The following ANO10 variants were observed in gnomAD, a reference collection of about 807,000 sequenced individuals.
ANO10 encodes anoctamin-10.
Under a neutral mutation model 74.7 loss-of-function variants are expected in ANO10, and 77 were observed. The observed-to-expected ratio is 1.03, with a 90% CI of 0.86 to 1.25. ANO10 has a LOEUF of 1.25. Ranked by LOEUF, ANO10 falls within the 50% of genes most tolerant of loss-of-function variation. The pLI is 0.00. For synonymous variants in ANO10, 279 were observed against 284.9 expected (o/e 0.98, Z 0.21); for missense variants, 721 against 778.1 (o/e 0.93, Z 0.87).
chr3:43,577,385 G>T, intron 5 of ANO10, 124 bp from the exon 6 acceptor site: 1 of 951,656 alleles, frequency 1.1e-6, no homozygotes, highest in Non-Finnish European at 1.6e-6. Context: ...CCCAAACAGC[G>T]TGTGGTGGTA....
At chr3:43,640,109 T>C (rs1016620594) in intron 1 of ANO10, among the ~76,000 whole-genome samples, 2 of 152,208 alleles carry the variant, frequency 1.3e-5, no homozygotes, top group Non-Finnish European at 2.9e-5. Flanking sequence ...TACAAAGCTT[T>C]ACTTGAAGGA....
intron 1 of ANO10, among the ~76,000 whole-genome samples, chr3:43,657,974 T>A (rs552574081): frequency 2.6e-5 from 4 of 152,340 alleles, no homozygotes; most frequent in African/African-American, 9.6e-5. Flanking sequence ...CTTAATATTT[T>A]TTTCCTAGGG....
At chr3:43,587,512 C>G (rs538241691) in intron 4 of ANO10, among the ~76,000 whole-genome samples, 2 of 152,316 alleles carry the variant, frequency 1.3e-5, no homozygotes, top group South Asian at 4.1e-4. Flanking sequence ...AGTCTGGGAC[C>G]TGACGGATCA....
chr3:43,508,633 T>C (rs137921096), intron 11 of ANO10, among the ~76,000 whole-genome samples: 4,445 of 152,246 alleles, frequency 0.029, 212 homozygotes, highest in African/African-American at 0.1. Flanking sequence ...GATGAGTTCA[T>C]GTCCTTTGTG....
intron 4 of ANO10, among the ~76,000 whole-genome samples, chr3:43,591,966 A>G (rs2081791440): frequency 6.6e-6 from 1 of 152,256 alleles, no homozygotes; most frequent in Non-Finnish European, 1.5e-5. Flanking sequence ...TGCCTGGCTC[A>G]GAGGGTCCCA....
rs2091421137 is a variant in ANO10 at position 43,366,674 on chromosome 3, AG to A, written c.*231del. ...CTGGAGCAGCGTGTGGGGCCCGGGA[AG>A]GAACTGGGAAGGAGCAGACAGGGTG... is the stretch of plus-strand genomic sequence containing the variant. On this transcript the variant is annotated 3_prime_UTR_variant, in exon 13 of 13. Coordinates refer to ENST00000292246, the MANE Select transcript of ANO10 (RefSeq NM_018075.5). 1 of 587,630 alleles carries A rather than the reference AG, an allele frequency of 1.7e-6. No individual in the cohort carries two copies. Among genetic ancestry groups the A allele is most frequent in the Non-Finnish European group, 3.0e-6 (1 of 327,900 alleles). The allele number at this position is 587,630 out of a possible 1,614,324, so 36.4% of individuals were successfully genotyped here.
chr3:43,658,530 T>C (rs186431752), intron 1 of ANO10, among the ~76,000 whole-genome samples: 11 of 152,056 alleles, frequency 7.2e-5, no homozygotes, highest in African/African-American at 1.2e-4. Flanking sequence ...AGTGCAGTGG[T>C]GCGATCTCAG....
At chr3:43,549,479 G>A (rs1322361819) in intron 11 of ANO10, among the ~76,000 whole-genome samples, 1 of 152,152 alleles carries the variant, frequency 6.6e-6, no homozygotes, top group African/African-American at 2.4e-5. Context: ...GGGCAGGCCA[G>A]CATAATAGTG....
At chr3:43,591,817 G>T (rs2081778822) in intron 4 of ANO10, among the ~76,000 whole-genome samples, 1 of 152,210 alleles carries the variant, frequency 6.6e-6, no homozygotes, top group South Asian at 2.1e-4. Flanking sequence ...CACCCAGGAA[G>T]CACAAGGGGT....
At chr3:43,516,324 A>C (rs1180790922) in intron 11 of ANO10, among the ~76,000 whole-genome samples, 1 of 152,250 alleles carries the variant, frequency 6.6e-6, no homozygotes. Flanking sequence ...TGAAGAGCAG[A>C]AATTGGATGG....
chr3:43,589,371 T>A (rs2081619592), intron 4 of ANO10, among the ~76,000 whole-genome samples: 1 of 151,478 alleles, frequency 6.6e-6, no homozygotes, highest in African/African-American at 2.4e-5. Flanking sequence ...GAATGCTCAA[T>A]ATAACATGCA....
chr3:43,612,143 TATATATATATA>T (rs2082856218), intron 1 of ANO10, among the ~76,000 whole-genome samples: 2 of 14,480 alleles, frequency 1.4e-4, no homozygotes, highest in African/African-American at 9.9e-4. Flanking sequence ...AAATATTTTA[TATATATATATA>T]TATATATATA....
At chr3:43,403,955 A>C (rs1217009879) in intron 12 of ANO10, among the ~76,000 whole-genome samples, 1 of 152,106 alleles carries the variant, frequency 6.6e-6, no homozygotes, top group Admixed American at 6.6e-5. Flanking sequence ...CCTGGAGTAT[A>C]AGCAGGGGCT....
rs1326150332 is a variant in ANO10, at chr3:43,514,813, T to C, written c.1797+34907A>G. Reference sequence around the variant, plus strand: ...ACAATGTAATTAAATTAGAAATCAGTAGCAAAAAGATATTTGGAAAATCCC... The same window carrying C: ...ACAATGTAATTAAATTAGAAATCAGCAGCAAAAAGATATTTGGAAAATCCC... On this transcript the variant is annotated intron_variant, in intron 11 of 12. Coordinates refer to ENST00000292246, the MANE Select transcript of ANO10 (RefSeq NM_018075.5). 2.0e-5 allele frequency among the ~76,000 whole-genome samples: 3 copies of C among 152,158 alleles called. No individual in the cohort carries two copies. In the East Asian group the frequency reaches 5.8e-4, roughly 29 times the overall value.
In ANO10 at chr3:43,577,078, T is replaced by C. The variant is rs2081043538; in HGVS notation, c.776A>G (p.Glu259Gly). The C allele has an allele frequency of 3.1e-6, 5 of 1,614,142 alleles. No homozygotes were observed. In the East Asian group the frequency reaches 1.1e-4, roughly 36 times the overall value. Residue 259 changes from glutamate to glycine, a missense_variant, in exon 6 of 13, where the codon GAA (glutamate) becomes GGA (glycine). Coordinates refer to ENST00000292246, the MANE Select transcript of ANO10 (RefSeq NM_018075.5). ...FNLIWSTVIL[E>G]LWKRGCANMT... ...GTTGGCACAGCCACGCTTCCACAGT[T>C]CCAGAATCACCGTGGACCAGATGAG... is the stretch of plus-strand genomic sequence containing the variant.
At chr3:43,590,938 A>G (rs1190633539) in intron 4 of ANO10, among the ~76,000 whole-genome samples, 1 of 152,148 alleles carries the variant, frequency 6.6e-6, no homozygotes, top group African/African-American at 2.4e-5. Flanking sequence ...TCAGTTAGTA[A>G]AGAGGGCTCA....
intron 11 of ANO10, among the ~76,000 whole-genome samples, chr3:43,433,446 C>A (rs1414684363): frequency 6.6e-6 from 1 of 152,130 alleles, no homozygotes; most frequent in South Asian, 2.1e-4. Context: ...TTACATGAAA[C>A]GTACATGTAT....
intron 11 of ANO10, among the ~76,000 whole-genome samples, chr3:43,442,377 TA>T (rs1271989446): frequency 1.3e-5 from 2 of 152,068 alleles, no homozygotes; most frequent in Non-Finnish European, 2.9e-5. Context: ...TACATTTCTA[TA>T]TACTAACAAT....
intron 1 of ANO10, among the ~76,000 whole-genome samples, chr3:43,635,239 C>T (rs1264597203): frequency 6.6e-5 from 10 of 152,146 alleles, no homozygotes; most frequent in African/African-American, 1.4e-4. Flanking sequence ...CACTCATAGC[C>T]GGAATCCATC....
Sources: gnomAD v4.1 joint callset for allele counts (sites outside exome capture counted in the v4.1 genomes callset) on GRCh38, gnomAD v4.1.1 for gene constraint, MANE v1.5 for transcripts, NCBI Gene and HGNC (gene_info 2026-07-23, HGNC 2026-07-21) for gene names.